The following ANK3 variants were observed in gnomAD, a reference collection of about 807,000 sequenced individuals.
ANK3 encodes the protein ankyrin 3.
Under a neutral mutation model 370.9 loss-of-function variants are expected in ANK3, and 57 were observed. That is an observed-to-expected ratio of 0.15 (90% CI 0.12 to 0.19). The LOEUF (loss-of-function observed/expected upper bound fraction) is 0.19. Ranked by LOEUF, ANK3 falls within the 10% of genes least tolerant of loss-of-function variation. The pLI is 1.00. For missense variants in ANK3, 4,439 were observed against 5,302.1 expected (o/e 0.84, Z 5.06); for synonymous variants, 1,929 against 1,946.3 (o/e 0.99, Z 0.23).
intron 2 of ANK3, among the ~76,000 whole-genome samples, chr10:60,601,161 C>T (rs922021264): frequency 2.2e-5 from 3 of 134,776 alleles, no homozygotes; most frequent in Non-Finnish European, 4.8e-5. Context: ...AGTCATTAAA[C>T]ATTTATACAA....
At chr10:60,420,160 C>T (rs1472185062) in intron 2 of ANK3, among the ~76,000 whole-genome samples, 1 of 152,120 alleles carries the variant, frequency 6.6e-6, no homozygotes, top group Non-Finnish European at 1.5e-5. Flanking sequence ...ACCTAGTGAG[C>T]TGTCTGGAGC....
At chr10:60,715,925 T>C (rs2079781401) in intron 1 of ANK3, among the ~76,000 whole-genome samples, 1 of 122,098 alleles carries the variant, frequency 8.2e-6, no homozygotes, top group African/African-American at 3.0e-5. Flanking sequence ...ATATTAAATG[T>C]GTATGTACAA....
At chr10:60,552,093 G>A (rs2077100736) in intron 2 of ANK3, among the ~76,000 whole-genome samples, 1 of 152,156 alleles carries the variant, frequency 6.6e-6, no homozygotes, top group South Asian at 2.1e-4. Flanking sequence ...TGAGAGCAAT[G>A]ACAACTTCAT....
Position 60,055,853 on chromosome 10 carries a change from A to T in ANK3, c.12870T>A (p.Ser4290=), listed in dbSNP as rs1281963046. Residue 4290 remains serine, a synonymous_variant, in exon 42 of 44, where the codon TCT becomes TCA. Transcript: ENST00000280772. ...KETLKPKIHG[S]GHVEEPASPL... ...GTGATGCTGGTTCTTCAACATGACC[A>T]GATCCATGTATTTTTGGTTTCAGAG... 2 of 1,614,166 alleles carry T rather than the reference A, an allele frequency of 1.2e-6. No homozygotes were observed. The highest frequency in any genetic ancestry group is 1.7e-6 in the Non-Finnish European group (2 of 1,180,010).
At chr10:60,237,595 T>C in intron 7 of ANK3, among the ~76,000 whole-genome samples, 1 of 151,854 alleles carries the variant, frequency 6.6e-6, no homozygotes, top group East Asian at 1.9e-4. Flanking sequence ...TTTCTTTTTT[T>C]TCTCTTTTTT....
Position 60,373,217 on chromosome 10 carries a change from T to A in ANK3, c.114+16208A>T, listed in dbSNP as rs370960115. Among the ~76,000 whole-genome samples the A allele has an allele frequency of 5.3e-4, 80 of 152,340 alleles. 2 individuals are homozygous for A. In the South Asian group the frequency reaches 0.011, roughly 20 times the overall value. On this transcript the variant is annotated intron_variant, in intron 1 of 43. Transcript: ENST00000280772. The stretch of plus-strand genomic sequence containing the variant: ...AAAGTAGTAATGTTCTTTATGTCTA[T>A]TTATGTCCAATATCTCATCGGGTAG...
chr10:60,464,703 G>T (rs1171214592), intron 2 of ANK3, among the ~76,000 whole-genome samples: 2 of 152,266 alleles, frequency 1.3e-5, no homozygotes, highest in East Asian at 3.9e-4. Flanking sequence ...CCAATATACT[G>T]TCAAAGTGCC....
intron 1 of ANK3, among the ~76,000 whole-genome samples, chr10:60,363,297 G>C (rs1252888312): frequency 6.6e-6 from 1 of 152,156 alleles, no homozygotes; most frequent in African/African-American, 2.4e-5. Context: ...AATAGCACCA[G>C]CAGCTGTCTA....
At chr10:60,047,890 A>C (rs1490231308) in intron 42 of ANK3, among the ~76,000 whole-genome samples, 1 of 152,216 alleles carries the variant, frequency 6.6e-6, no homozygotes. Context: ...AATTGTATAG[A>C]GATCAGAATT....
chr10:60,321,165 A>C (rs1242193923), intron 1 of ANK3, among the ~76,000 whole-genome samples: 1 of 152,142 alleles, frequency 6.6e-6, no homozygotes, highest in East Asian at 1.9e-4. Context: ...CTGAGGCAGG[A>C]AGATCACTTG....
At chr10:60,465,277 G>C (rs1328979599) in intron 2 of ANK3, among the ~76,000 whole-genome samples, 1 of 148,982 alleles carries the variant, frequency 6.7e-6, no homozygotes, top group Non-Finnish European at 1.5e-5. Context: ...AAAAAAAAAA[G>C]AAAGAACAGA....
intron 1 of ANK3, among the ~76,000 whole-genome samples, chr10:60,361,079 CAAG>C (rs1282192577): frequency 1.3e-5 from 2 of 152,102 alleles, no homozygotes; most frequent in Admixed American, 6.6e-5. Context: ...TTTTTATCAA[CAAG>C]AAGATGAGAG....
At chr10:60,294,711 G>A (rs935829988) in intron 1 of ANK3, among the ~76,000 whole-genome samples, 1 of 152,160 alleles carries the variant, frequency 6.6e-6, no homozygotes, top group African/African-American at 2.4e-5. Flanking sequence ...TAGCTCACTA[G>A]AGAAGTCAGA....
chr10:60,286,427 A>T (rs1338079222), intron 1 of ANK3, among the ~76,000 whole-genome samples: 1 of 152,122 alleles, frequency 6.6e-6, no homozygotes, highest in Non-Finnish European at 1.5e-5. Flanking sequence ...TGGGTAATTT[A>T]TAATTGCTAA....
chr10:60,478,226 C>T (rs1049711029), intron 2 of ANK3, among the ~76,000 whole-genome samples: 5 of 152,046 alleles, frequency 3.3e-5, no homozygotes, highest in Non-Finnish European at 5.9e-5. Flanking sequence ...ATTAGTCTGA[C>T]TCAATGGGTT....
chr10:60,085,491 G>A (rs896402601), intron 30 of ANK3, among the ~76,000 whole-genome samples: 2 of 151,700 alleles, frequency 1.3e-5, no homozygotes, highest in Non-Finnish European at 2.9e-5. Flanking sequence ...CTTGTTTTTT[G>A]TCTGGGTACT....
intron 42 of ANK3, among the ~76,000 whole-genome samples, chr10:60,045,661 T>A (rs1216990909): frequency 6.6e-6 from 1 of 152,174 alleles, no homozygotes; most frequent in Non-Finnish European, 1.5e-5. Flanking sequence ...TGTGGTTTTG[T>A]TTTGTTTTAG....
At chr10:60,596,818 T>C (rs769756018) in intron 2 of ANK3, among the ~76,000 whole-genome samples, 1 of 152,150 alleles carries the variant, frequency 6.6e-6, no homozygotes, top group Non-Finnish European at 1.5e-5. Flanking sequence ...AGGATTCCCA[T>C]CACTAATGTG....
chr10:60,333,556 G>A (rs1039292819), intron 1 of ANK3, among the ~76,000 whole-genome samples: 1 of 152,158 alleles, frequency 6.6e-6, no homozygotes, highest in African/African-American at 2.4e-5. Context: ...ACATTGATGG[G>A]CATTTGGGTT....
Sources: allele counts gnomAD v4.1 joint callset (sites outside exome capture counted in the v4.1 genomes callset), GRCh38; gene constraint gnomAD v4.1.1; transcripts MANE v1.5; gene names NCBI Gene and HGNC (gene_info 2026-07-23, HGNC 2026-07-21).